NOS1AP: variants seen among roughly 807,000 people sequenced by gnomAD.
The protein encoded by NOS1AP is nitric oxide synthase 1 adaptor protein.
Under a neutral mutation model 56.2 loss-of-function variants are expected in NOS1AP, and 21 were observed. The observed-to-expected ratio is 0.37, with a 90% CI of 0.26 to 0.54. The LOEUF (loss-of-function observed/expected upper bound fraction) is 0.54. Ranked by LOEUF, NOS1AP falls within the 20% of genes least tolerant of loss-of-function variation. The pLI is 0.84. For missense variants in NOS1AP, 522 were observed against 657.8 expected, an observed-to-expected ratio of 0.79 and a Z score of 2.26; for synonymous variants, 270 against 274.6, an observed-to-expected ratio of 0.98 and a Z score of 0.17.
At chr1:162,117,186 A>G (rs1307733318) in intron 1 of NOS1AP, among the ~76,000 whole-genome samples, 1 of 152,148 alleles carries the variant, frequency 6.6e-6, no homozygotes, top group African/African-American at 2.4e-5. Flanking sequence ...ACAGGAGCTC[A>G]TTTTATGCAT....
chr1:162,137,177 T>A (rs1415264), intron 1 of NOS1AP, among the ~76,000 whole-genome samples: 1 of 151,414 alleles, frequency 6.6e-6, no homozygotes, highest in Non-Finnish European at 1.5e-5. Context: ...AAGCACGATT[T>A]GCATTTGCAC....
chr1:162,253,968 T>A (rs1346985983), intron 2 of NOS1AP, among the ~76,000 whole-genome samples: 1 of 152,166 alleles, frequency 6.6e-6, no homozygotes, highest in East Asian at 1.9e-4. Context: ...GGCTACTTAG[T>A]GATTGAAGAG....
chr1:162,176,211 C>A (rs757488415), intron 2 of NOS1AP, among the ~76,000 whole-genome samples: 4 of 152,098 alleles, frequency 2.6e-5, no homozygotes, highest in Non-Finnish European at 4.4e-5. Context: ...TACTCTTGTG[C>A]TATAAAGTTC....
intron 1 of NOS1AP, among the ~76,000 whole-genome samples, chr1:162,147,253 C>T (rs1244368291): frequency 4.1e-5 from 6 of 147,216 alleles, no homozygotes; most frequent in African/African-American, 1.0e-4. Context: ...GGAGTGAACC[C>T]GGGAGGCAGA....
At chr1:162,281,237 G>A (rs1017507403) in intron 2 of NOS1AP, among the ~76,000 whole-genome samples, 3 of 152,174 alleles carry the variant, frequency 2.0e-5, no homozygotes, top group African/African-American at 7.2e-5. Context: ...CTTGCACTTC[G>A]GAATGGAATC....
Position 162,315,987 on chromosome 1 carries a change from C to CACACAAT in NOS1AP, c.344+15283_344+15289dup, listed in dbSNP as rs141203402. ...TGGGGCTCCTTAACCACTTGTCTCA[C>CACACAAT]ACACAATAGGGCTCAATACGTATTT... On this transcript the variant is annotated intron_variant, in intron 4 of 9. Coordinates refer to ENST00000361897, the MANE Select transcript of NOS1AP (RefSeq NM_014697.3). Among the ~76,000 whole-genome samples, 429 of 152,302 alleles carry CACACAAT rather than the reference C, an allele frequency of 2.8e-3. 2 individuals carry two copies. The highest frequency in any genetic ancestry group is 9.7e-3 in the African/African-American group (405 of 41,562).
chr1:162,254,657 AAGG>A (rs1288629019), intron 2 of NOS1AP, among the ~76,000 whole-genome samples: 2 of 152,328 alleles, frequency 1.3e-5, no homozygotes, highest in South Asian at 2.1e-4. Flanking sequence ...AATGTGTACA[AAGG>A]AGAAGGGACA....
At chr1:162,155,035 A>C (rs1209204118) in intron 2 of NOS1AP, among the ~76,000 whole-genome samples, 1 of 151,982 alleles carries the variant, frequency 6.6e-6, no homozygotes, top group African/African-American at 2.4e-5. Flanking sequence ...AAATAACATT[A>C]GCAAAGATAT....
At chr1:162,164,129 A>G (rs1650363429) in intron 2 of NOS1AP, among the ~76,000 whole-genome samples, 1 of 152,180 alleles carries the variant, frequency 6.6e-6, no homozygotes, top group African/African-American at 2.4e-5. Context: ...GGAGGATTTG[A>G]TATTGCCCAG....
chr1:162,082,019 GA>G (rs1183481677), intron 1 of NOS1AP, among the ~76,000 whole-genome samples: 1 of 151,692 alleles, frequency 6.6e-6, no homozygotes, highest in Non-Finnish European at 1.5e-5. Context: ...TTGTTGTACA[GA>G]TTATTTCATC....
intron 3 of NOS1AP, among the ~76,000 whole-genome samples, chr1:162,290,963 T>A (rs987757874): frequency 6.6e-6 from 1 of 151,812 alleles, no homozygotes; most frequent in African/African-American, 2.4e-5. Flanking sequence ...TGCTTTTTGG[T>A]GTTTGTGTGT....
intron 1 of NOS1AP, among the ~76,000 whole-genome samples, chr1:162,111,259 A>G (rs1157427524): frequency 1.3e-5 from 2 of 152,234 alleles, no homozygotes; most frequent in African/African-American, 4.8e-5. Flanking sequence ...TAAAGATCCT[A>G]TAGTTGAAAC....
intron 2 of NOS1AP, among the ~76,000 whole-genome samples, chr1:162,214,839 A>G (rs559658793): frequency 3.3e-5 from 5 of 152,298 alleles, no homozygotes; most frequent in Admixed American, 1.3e-4. Context: ...GTACGCTAAC[A>G]TTTGTTTGTT....
At chr1:162,346,899 T>C (rs1657312711) in intron 6 of NOS1AP, among the ~76,000 whole-genome samples, 1 of 152,258 alleles carries the variant, frequency 6.6e-6, no homozygotes, top group South Asian at 2.1e-4. Context: ...CATTTGGTCA[T>C]GTACCCTTGG....
At chr1:162,085,723 T>C (rs1463528937) in intron 1 of NOS1AP, among the ~76,000 whole-genome samples, 2 of 152,166 alleles carry the variant, frequency 1.3e-5, no homozygotes, top group African/African-American at 4.8e-5. Flanking sequence ...TGCTTAGTGT[T>C]GAAGGCCAGA....
chr1:162,092,799 A>G (rs1416198057), intron 1 of NOS1AP, among the ~76,000 whole-genome samples: 2 of 152,198 alleles, frequency 1.3e-5, no homozygotes, highest in Non-Finnish European at 2.9e-5. Context: ...TCCTGATGAA[A>G]TGGTAAGGAG....
intron 2 of NOS1AP, among the ~76,000 whole-genome samples, chr1:162,280,950 C>T (rs1460894489): frequency 1.3e-5 from 2 of 152,080 alleles, no homozygotes; most frequent in Admixed American, 6.6e-5. Flanking sequence ...TAGAAACTGC[C>T]ATGGTTCTCA....
rs1333012109 is a variant in NOS1AP at position 162,261,508 on chromosome 1, G to GGAGA, written c.178-25836_178-25835insGAGA. ...AGAGAGAGAGAGAGAGAGAGAGAGA[G>GGAGA]AGAGAGAGAGAGAGAGAGAGAGAGA... On this transcript the variant is annotated intron_variant, in intron 2 of 9. Transcript: ENST00000361897. Among the ~76,000 whole-genome samples the GGAGA allele has an allele frequency of 2.5e-3, 34 of 13,624 alleles. 8 individuals carry two copies. The highest frequency in any genetic ancestry group is 3.9e-3 in the Non-Finnish European group (21 of 5,370). The allele number at this position is 13,624 out of a possible 152,430, so 8.9% of individuals were successfully genotyped here.
chr1:162,144,106 T>C (rs1011696201), intron 1 of NOS1AP, among the ~76,000 whole-genome samples: 17 of 152,238 alleles, frequency 1.1e-4, no homozygotes, highest in African/African-American at 4.1e-4. Context: ...GTCCATTCCT[T>C]GTAAGTCTTG....
Sources: gnomAD v4.1 joint callset for allele counts (sites outside exome capture counted in the v4.1 genomes callset) on GRCh38, gnomAD v4.1.1 for gene constraint, MANE v1.5 for transcripts, NCBI Gene and HGNC (gene_info 2026-07-23, HGNC 2026-07-21) for gene names.